The following DMD variants were observed in gnomAD, a reference collection of about 807,000 sequenced individuals.
DMD encodes dystrophin.
A neutral mutation model predicts 330.1 loss-of-function variants in DMD; 63 were observed. The ratio of observed to expected loss-of-function variants is 0.19; its 90% CI spans 0.16 to 0.24. The LOEUF is 0.24. DMD is among the 10% of genes least tolerant of loss of function. The pLI, the probability that DMD is intolerant of heterozygous loss-of-function variation, is 1.00. For missense variants in DMD, 3,344 were observed against 2,684.1 expected, an observed-to-expected ratio of 1.25 and a Z score of -5.43; for synonymous variants, 1,223 against 959.8, an observed-to-expected ratio of 1.27 and a Z score of -5.07.
At chrX:32,415,510 T>C (rs2098162909) in intron 29 of DMD, among the ~76,000 whole-genome samples, 1 of 112,521 alleles carries the variant, frequency 8.9e-6, no homozygotes, top group Non-Finnish European at 1.9e-5. Flanking sequence ...TGATGGAATG[T>C]CAGGCTTATG....
intron 64 of DMD, among the ~76,000 whole-genome samples, chrX:31,214,726 T>C (rs1247389512): frequency 1.8e-5 from 2 of 108,933 alleles, no homozygotes; most frequent in Non-Finnish European, 3.8e-5. Flanking sequence ...AATCTAGAAG[T>C]AGAGTTTCTA....
intron 43 of DMD, among the ~76,000 whole-genome samples, chrX:32,258,098 T>TG (rs1485695962): frequency 9.0e-6 from 1 of 111,028 alleles, no homozygotes; most frequent in East Asian, 2.8e-4. Flanking sequence ...GGAATGCAAA[T>TG]CAAAACCACA....
chrX:31,280,033 A>T (rs1033236530), intron 62 of DMD, among the ~76,000 whole-genome samples: 1 of 112,154 alleles, frequency 8.9e-6, no homozygotes, highest in African/African-American at 3.2e-5. Context: ...TATACAGCAA[A>T]AGTAGCTGTT....
chrX:33,213,684 G>T (rs1233804684), upstream of DMD, among the ~76,000 whole-genome samples: 2 of 111,564 alleles, frequency 1.8e-5, no homozygotes, highest in African/African-American at 6.5e-5. Context: ...ACAGGAATTT[G>T]CGGGGATAGT....
chrX:32,382,362 T>C (rs2097930012), intron 33 of DMD, among the ~76,000 whole-genome samples: 1 of 19,538 alleles, frequency 5.1e-5, no homozygotes, highest in African/African-American at 4.8e-4. Context: ...CATATATATG[T>C]GTGTGTGTGT....
At chrX:31,771,792 C>T (rs1375681086) in intron 51 of DMD, among the ~76,000 whole-genome samples, 1 of 111,935 alleles carries the variant, frequency 8.9e-6, no homozygotes, top group Non-Finnish European at 1.9e-5. Flanking sequence ...TGAAACATTG[C>T]ACCTGGCCCT....
intron 59 of DMD, among the ~76,000 whole-genome samples, chrX:31,476,397 G>GTATATATATA (rs373498710): frequency 7.9e-5 from 7 of 88,325 alleles, no homozygotes; most frequent in African/African-American, 3.0e-4. Context: ...GTGTGTGTGT[G>GTATATATATA]TATATATATA....
intron 7 of DMD, among the ~76,000 whole-genome samples, chrX:32,758,650 C>G (rs1031923691): frequency 9.0e-6 from 1 of 111,530 alleles, no homozygotes; most frequent in Non-Finnish European, 1.9e-5. Flanking sequence ...ACTTCGGAAT[C>G]AAACCCCCCA....
intron 4 of DMD, among the ~76,000 whole-genome samples, chrX:32,825,852 G>C (rs2078650693): frequency 9.0e-6 from 1 of 111,435 alleles, no homozygotes; most frequent in Non-Finnish European, 1.9e-5. Context: ...GTTATTAAAG[G>C]CTAGGGGAGG....
At chrX:31,399,345 G>A (rs5972382) in intron 60 of DMD, among the ~76,000 whole-genome samples, 18,884 of 103,555 alleles carry the variant, frequency 0.18, 1,405 homozygotes, top group South Asian at 0.25. Flanking sequence ...AAGTCAAGCC[G>A]CTTCTCTTTG....
chrX:32,013,566 T>G, intron 44 of DMD, among the ~76,000 whole-genome samples: 1 of 112,251 alleles, frequency 8.9e-6, no homozygotes, highest in East Asian at 2.8e-4. Flanking sequence ...GCCTAGCCAA[T>G]ACTTTGCTTA....
At chrX:33,071,823 C>G (rs1275177867) in intron 1 of DMD, among the ~76,000 whole-genome samples, 1 of 112,074 alleles carries the variant, frequency 8.9e-6, no homozygotes, top group Non-Finnish European at 1.9e-5. Context: ...TCTTTTGCAT[C>G]TTACCCGGTA....
chrX:32,565,185 A>T (rs2051544741), intron 16 of DMD, among the ~76,000 whole-genome samples: 1 of 111,819 alleles, frequency 8.9e-6, no homozygotes, highest in African/African-American at 3.3e-5. Context: ...TCATAATTTT[A>T]TGAAATCAGC....
At chrX:31,775,756 T>G (rs1422446961) in intron 50 of DMD, among the ~76,000 whole-genome samples, 1 of 111,583 alleles carries the variant, frequency 9.0e-6, no homozygotes, top group African/African-American at 3.3e-5. Context: ...TATGTAACTG[T>G]GCTTTTAAGG....
chrX:33,152,770 G>A (rs1441514389), intron 1 of DMD, among the ~76,000 whole-genome samples: 1 of 111,510 alleles, frequency 9.0e-6, no homozygotes, highest in East Asian at 2.8e-4. Context: ...AACGAGAAAA[G>A]CTGCTTCATT....
chrX:31,553,887 T>A (rs891894223), intron 55 of DMD, among the ~76,000 whole-genome samples: 2 of 112,830 alleles, frequency 1.8e-5, no homozygotes, highest in African/African-American at 6.4e-5. Context: ...GCTGAGAAAT[T>A]TGACTACAGA....
intron 54 of DMD, among the ~76,000 whole-genome samples, chrX:31,651,783 A>G (rs2080469310): frequency 9.0e-6 from 1 of 111,027 alleles, no homozygotes; most frequent in Admixed American, 9.6e-5. Flanking sequence ...TCCTCACCAC[A>G]TTCACCTCTC....
intron 16 of DMD, among the ~76,000 whole-genome samples, chrX:32,557,278 G>T (rs1444532084): frequency 1.8e-5 from 2 of 111,194 alleles, no homozygotes; most frequent in Non-Finnish European, 3.8e-5. Context: ...TTTGAATGGT[G>T]GTTTCCTTTT....
intron 55 of DMD, among the ~76,000 whole-genome samples, chrX:31,604,378 T>A (rs1456210869): frequency 9.0e-6 from 1 of 111,723 alleles, no homozygotes; most frequent in Non-Finnish European, 1.9e-5. Flanking sequence ...TGTTTTCAAC[T>A]CTGTGATTCT....
Sources: gnomAD v4.1 joint callset for allele counts (sites outside exome capture counted in the v4.1 genomes callset) on GRCh38, gnomAD v4.1.1 for gene constraint, MANE v1.5 for transcripts, NCBI Gene and HGNC (gene_info 2026-07-23, HGNC 2026-07-21) for gene names.